The following CPA6 variants were observed in gnomAD, a reference collection of about 807,000 sequenced individuals.
The protein encoded by CPA6 is carboxypeptidase A6.
Under a neutral mutation model 63.3 loss-of-function variants are expected in CPA6, and 58 were observed. That is an observed-to-expected ratio of 0.92 (90% CI 0.74 to 1.14). CPA6 has a LOEUF of 1.14. CPA6 is among the 50% of genes most tolerant of loss of function. CPA6 has a pLI of 0.00. For missense variants in CPA6, 565 were observed against 526.6 expected (o/e 1.07, Z -0.71); for synonymous variants, 185 against 179.0 (o/e 1.03, Z -0.27).
At chr8:67,716,344 G>A (rs770954974) in intron 1 of CPA6, among the ~76,000 whole-genome samples, 62 of 152,110 alleles carry the variant, frequency 4.1e-4, no homozygotes, top group Non-Finnish European at 1.3e-4. Context: ...ACATTTTAGG[G>A]AGAGATGAGA....
intron 1 of CPA6, among the ~76,000 whole-genome samples, chr8:67,692,993 G>T (rs766394308): frequency 2.0e-5 from 3 of 152,180 alleles, no homozygotes; most frequent in Non-Finnish European, 2.9e-5. Flanking sequence ...AGCAGGAAGA[G>T]AAACCTGAAC....
intron 2 of CPA6, among the ~76,000 whole-genome samples, chr8:67,552,496 G>A (rs36026014): frequency 0.37 from 56,389 of 151,974 alleles, 12,828 homozygotes; most frequent in Non-Finnish European, 0.49. Context: ...AATGATGGCC[G>A]GGCACGGTGG....
At chr8:67,720,033 T>G (rs540583653) in intron 1 of CPA6, among the ~76,000 whole-genome samples, 1 of 151,826 alleles carries the variant, frequency 6.6e-6, no homozygotes, top group Admixed American at 6.6e-5. Flanking sequence ...TTTAATCACC[T>G]GGGGGCAGGT....
At chr8:67,532,867 T>A (rs1812507628) in intron 2 of CPA6, among the ~76,000 whole-genome samples, 1 of 152,074 alleles carries the variant, frequency 6.6e-6, no homozygotes. Context: ...ATTTCATGAG[T>A]GAAGAAAGAT....
intron 2 of CPA6, among the ~76,000 whole-genome samples, chr8:67,553,909 A>G (rs1260397012): frequency 6.6e-6 from 1 of 152,216 alleles, no homozygotes; most frequent in Non-Finnish European, 1.5e-5. Flanking sequence ...GACAGTGGTG[A>G]TTTTCAAACC....
intron 8 of CPA6, among the ~76,000 whole-genome samples, chr8:67,475,451 T>C (rs554066990): frequency 5.0e-4 from 76 of 152,322 alleles, no homozygotes; most frequent in African/African-American, 1.8e-3. Flanking sequence ...ACAATGTAAA[T>C]ACACGGCACA....
At chr8:67,700,059 TG>T (rs1816992345) in intron 1 of CPA6, among the ~76,000 whole-genome samples, 2 of 152,234 alleles carry the variant, frequency 1.3e-5, no homozygotes, top group African/African-American at 4.8e-5. Flanking sequence ...TCTATTATTT[TG>T]CCTCATATAA....
At chr8:67,650,701 T>C (rs888131251) in intron 1 of CPA6, among the ~76,000 whole-genome samples, 1 of 152,086 alleles carries the variant, frequency 6.6e-6, no homozygotes, top group Non-Finnish European at 1.5e-5. Flanking sequence ...GGCTTCATCA[T>C]GAGGAAAGAG....
At chr8:67,595,715 C>T (rs1814311733) in intron 2 of CPA6, among the ~76,000 whole-genome samples, 1 of 152,226 alleles carries the variant, frequency 6.6e-6, no homozygotes, top group African/African-American at 2.4e-5. Context: ...TCCTGGTGCA[C>T]CGTTTCCTAA....
At chr8:67,731,876 C>CA (rs762370282) in intron 1 of CPA6, among the ~76,000 whole-genome samples, 36 of 152,182 alleles carry the variant, frequency 2.4e-4, no homozygotes, top group Non-Finnish European at 4.9e-4. Flanking sequence ...ATGTTAGGCT[C>CA]AAAATGAATG....
chr8:67,732,830 C>T (rs559452526), intron 1 of CPA6, among the ~76,000 whole-genome samples: 2 of 152,064 alleles, frequency 1.3e-5, no homozygotes, highest in Non-Finnish European at 2.9e-5. Context: ...GAACCAAGGG[C>T]GAGTGACTGT....
At chr8:67,579,320 A>G (rs1454561535) in intron 2 of CPA6, among the ~76,000 whole-genome samples, 1 of 152,138 alleles carries the variant, frequency 6.6e-6, no homozygotes, top group East Asian at 1.9e-4. Flanking sequence ...GGCTGAGGCA[A>G]GAGAATCACT....
chr8:67,723,839 G>C (rs754951466), intron 1 of CPA6, among the ~76,000 whole-genome samples: 2 of 152,102 alleles, frequency 1.3e-5, no homozygotes, highest in African/African-American at 4.8e-5. Context: ...TTTAGAGTGG[G>C]AGCAATATTT....
intron 2 of CPA6, among the ~76,000 whole-genome samples, chr8:67,539,765 A>T (rs1812665558): frequency 6.6e-6 from 1 of 151,966 alleles, no homozygotes; most frequent in Non-Finnish European, 1.5e-5. Flanking sequence ...AATCTCTGGT[A>T]TCCTTTCTTT....
chr8:67,503,448 C>A lies in CPA6; in HGVS notation c.636+3339G>T, dbSNP rs184343145. Among the ~76,000 whole-genome samples the A allele has an allele frequency of 3.0e-3, 455 of 151,568 alleles. 1 individual carries two copies. The highest frequency in any genetic ancestry group is 0.01 in the African/African-American group (425 of 41,194). On this transcript the variant is annotated intron_variant, in intron 6 of 10. Coordinates refer to ENST00000297770, the MANE Select transcript of CPA6 (RefSeq NM_020361.5). The stretch of plus-strand genomic sequence containing the variant: ...AGTAGCTGGGACTACAGGCATGCAC[C>A]ACTATGCCCAGCTAATTAAATTTTT...
At chr8:67,436,652 C>A (rs1810163103) in intron 8 of CPA6, among the ~76,000 whole-genome samples, 5 of 151,652 alleles carry the variant, frequency 3.3e-5, no homozygotes, top group Admixed American at 3.3e-4. Flanking sequence ...ATCTTCAAAA[C>A]AAAATTTTAA....
chr8:67,698,685 C>T (rs1055444304), intron 1 of CPA6, among the ~76,000 whole-genome samples: 7 of 152,272 alleles, frequency 4.6e-5, no homozygotes, highest in African/African-American at 1.7e-4. Flanking sequence ...CTCCTCTCCC[C>T]AACTGGATTT....
chr8:67,430,508 T>C (rs949402331), intron 9 of CPA6, among the ~76,000 whole-genome samples: 2 of 152,176 alleles, frequency 1.3e-5, no homozygotes, highest in South Asian at 2.1e-4. Context: ...CTAAAAAACA[T>C]TGCCAGAAAT....
chr8:67,710,816 T>C (rs75083988), intron 1 of CPA6, among the ~76,000 whole-genome samples: 1 of 152,132 alleles, frequency 6.6e-6, no homozygotes, highest in Non-Finnish European at 1.5e-5. Flanking sequence ...GGGGCTTAGG[T>C]CTCTCAAGTT....
Sources: gnomAD v4.1 joint callset for allele counts (sites outside exome capture counted in the v4.1 genomes callset) on GRCh38, gnomAD v4.1.1 for gene constraint, MANE v1.5 for transcripts, NCBI Gene and HGNC (gene_info 2026-07-23, HGNC 2026-07-21) for gene names.